The following FAM114A2 variants were observed in gnomAD, a reference collection of about 807,000 sequenced individuals.
FAM114A2 encodes protein FAM114A2.
In FAM114A2, 53 loss-of-function variants were observed where a neutral mutation model predicts 58.4. The ratio of observed to expected loss-of-function variants is 0.91; its 90% CI spans 0.73 to 1.14. The LOEUF is 1.14. FAM114A2 is among the 50% of genes most tolerant of loss of function. The probability of loss-of-function intolerance (pLI) is 0.00; values close to 1 mark genes in which losing one functional copy is unlikely to be tolerated. For synonymous variants in FAM114A2, 228 were observed against 211.4 expected (o/e 1.08, Z -0.68); for missense variants, 601 against 581.1 (o/e 1.03, Z -0.35).
At chr5:154,028,039 C>A (rs986177233) in intron 6 of FAM114A2, 110 bp downstream of exon 6, 3 of 1,009,012 alleles carry the variant, frequency 3.0e-6, no homozygotes, top group Non-Finnish European at 4.4e-6. Context: ...CCTGAATAAA[C>A]ATTATTGAAA....
chr5:154,030,386 G>A (rs1453740514), intron 4 of FAM114A2, among the ~76,000 whole-genome samples: 1 of 152,108 alleles, frequency 6.6e-6, no homozygotes, highest in Non-Finnish European at 1.5e-5. Context: ...CTTCTAGCAT[G>A]ATGGATTAAC....
chr5:154,034,433 GA>G, intron 2 of FAM114A2, 56 bp from the exon 3 acceptor site: 1 of 1,069,736 alleles, frequency 9.3e-7, no homozygotes, highest in Non-Finnish European at 1.4e-6. Flanking sequence ...AAAATTAGAG[GA>G]AAATCAGAAT....
chr5:154,004,751 T>C (rs1770242406), intron 9 of FAM114A2, among the ~76,000 whole-genome samples: 1 of 152,164 alleles, frequency 6.6e-6, no homozygotes, highest in Admixed American at 6.5e-5. Context: ...CTATTACCAC[T>C]ACTTGAGTTC....
intron 4 of FAM114A2, among the ~76,000 whole-genome samples, chr5:154,033,285 G>A (rs720987): frequency 0.62 from 93,510 of 152,016 alleles, 29,283 homozygotes; most frequent in East Asian, 0.87. Flanking sequence ...AGGCCCTCTC[G>A]ATTTCTGGTT....
chr5:153,998,904 T>C (rs994737133), intron 11 of FAM114A2, among the ~76,000 whole-genome samples: 3 of 152,124 alleles, frequency 2.0e-5, no homozygotes, highest in Admixed American at 1.3e-4. Flanking sequence ...TTCCTTGAAG[T>C]GAAAAGGTAA....
chr5:154,022,944 T>C (rs1771522103), intron 8 of FAM114A2, among the ~76,000 whole-genome samples: 1 of 152,176 alleles, frequency 6.6e-6, no homozygotes, highest in African/African-American at 2.4e-5. Flanking sequence ...CACCATGCAA[T>C]ACTATGCAGC....
rs1436948238 is a variant in FAM114A2 at position 153,990,410 on chromosome 5, C to A, written c.*2566G>T. ...GGATTGAAAAATTCACATTTGTACA[C>A]CTAGCACTGATTTCAGATTCATAGT... On this transcript the variant is annotated 3_prime_UTR_variant, in exon 14 of 14. Coordinates refer to ENST00000351797, the MANE Select transcript of FAM114A2 (RefSeq NM_018691.4). The A allele has an allele frequency of 6.6e-6, 1 of 151,774 alleles. No individual in the cohort carries two copies. The highest frequency in any genetic ancestry group is 2.4e-5 in the African/African-American group (1 of 41,298). The allele number at this position is 151,774 out of a possible 1,614,324, so 9.4% of individuals were successfully genotyped here. A position where few individuals can be genotyped will look rare whatever the true frequency, so the allele number is the denominator to read the frequency against.
At chr5:154,006,229 T>C (rs1230464755) in intron 9 of FAM114A2, among the ~76,000 whole-genome samples, 1 of 152,222 alleles carries the variant, frequency 6.6e-6, no homozygotes, top group East Asian at 1.9e-4. Flanking sequence ...ATACTAACAC[T>C]GTGCCAGTGC....
intron 8 of FAM114A2, among the ~76,000 whole-genome samples, chr5:154,019,545 A>G (rs1771264732): frequency 6.6e-6 from 1 of 152,226 alleles, no homozygotes; most frequent in South Asian, 2.1e-4. Flanking sequence ...TAAAATTTGT[A>G]TGGAACCAAA....
At chr5:153,998,855 C>T (rs1018609389) in intron 11 of FAM114A2, among the ~76,000 whole-genome samples, 1 of 152,202 alleles carries the variant, frequency 6.6e-6, no homozygotes, top group Non-Finnish European at 1.5e-5. Context: ...AGTTGTGATG[C>T]TGGCAATTCA....
chr5:154,007,030 C>T (rs866403510), intron 9 of FAM114A2, among the ~76,000 whole-genome samples: 1 of 152,024 alleles, frequency 6.6e-6, no homozygotes, highest in Non-Finnish European at 1.5e-5. Context: ...CTCCTGACTT[C>T]ATGATCTACC....
chr5:153,994,549 C>G, intron 13 of FAM114A2: 1 of 163,488 alleles, frequency 6.1e-6, no homozygotes, highest in Non-Finnish European at 1.3e-5. Context: ...TTGTAACAAA[C>G]CTCTGCATAA....
intron 11 of FAM114A2, among the ~76,000 whole-genome samples, chr5:153,998,548 G>T (rs974920850): frequency 6.6e-6 from 1 of 152,158 alleles, no homozygotes; most frequent in Non-Finnish European, 1.5e-5. Flanking sequence ...AGGTCTCTTT[G>T]CACACATCCA....
chr5:153,996,244 A>G (rs1361462396), intron 12 of FAM114A2, among the ~76,000 whole-genome samples: 5 of 152,296 alleles, frequency 3.3e-5, no homozygotes, highest in African/African-American at 4.8e-5. Context: ...ACAAACCCAT[A>G]TATCTATGGC....
intron 8 of FAM114A2, among the ~76,000 whole-genome samples, chr5:154,026,138 G>C (rs189716550): frequency 6.6e-6 from 1 of 152,162 alleles, no homozygotes; most frequent in African/African-American, 2.4e-5. Context: ...GATGTGAGTT[G>C]CAAGATTAGA....
At chr5:154,033,439 A>G (rs1268526502) in intron 4 of FAM114A2, among the ~76,000 whole-genome samples, 1 of 151,588 alleles carries the variant, frequency 6.6e-6, no homozygotes, top group Admixed American at 6.5e-5. Flanking sequence ...ATCATGTCAC[A>G]ACAGACTCAG....
intron 1 of FAM114A2, chr5:154,037,004 T>C (rs915732491): frequency 6.6e-6 from 1 of 152,136 alleles, no homozygotes; most frequent in African/African-American, 2.4e-5. Context: ...CTCCCTACAA[T>C]CCCCCACGCA....
Position 154,034,969 on chromosome 5 carries a change from T to C in FAM114A2, c.-14-2A>G, listed in dbSNP as rs749995260. On this transcript the variant is annotated splice_acceptor_variant, in intron 1 of 13. Transcript: ENST00000351797. LOFTEE classifies it low-confidence loss of function (5UTR_SPLICE). ...TATCTGACATGATTAGAACATCAGC[T>C]GGTAAAATGAAAGCCCAAAAAAAAT... 6.4e-7 allele frequency: 1 copy of C among 1,563,328 alleles called. No homozygotes were observed. The highest frequency in any genetic ancestry group is 1.9e-5 in the Admixed American group (1 of 53,748).
At chr5:154,023,344 T>G (rs1275165066) in intron 8 of FAM114A2, among the ~76,000 whole-genome samples, 1 of 151,936 alleles carries the variant, frequency 6.6e-6, no homozygotes, top group Non-Finnish European at 1.5e-5. Flanking sequence ...GCAGCACAAT[T>G]CAAAAGTGCA....
Sources: allele counts gnomAD v4.1 joint callset (sites outside exome capture counted in the v4.1 genomes callset), GRCh38; gene constraint gnomAD v4.1.1; transcripts MANE v1.5; gene names NCBI Gene and HGNC (gene_info 2026-07-23, HGNC 2026-07-21).